The following CDH13 variants were observed in gnomAD, a reference collection of about 807,000 sequenced individuals.
CDH13 encodes the protein cadherin 13.
CDH13 carries 24 observed loss-of-function variants against 63.8 expected under a neutral mutation model. The observed-to-expected ratio is 0.38, with a 90% confidence interval of 0.27 to 0.53. The LOEUF (loss-of-function observed/expected upper bound fraction) is 0.53, where lower values mean the gene tolerates loss of function less well. CDH13 is among the 20% of genes least tolerant of loss of function. CDH13 has a pLI of 0.85. For synonymous variants in CDH13, 503 were observed against 355.3 expected (o/e 1.42, Z -4.67); for missense variants, 1,049 against 903.1 (o/e 1.16, Z -2.07).
At chr16:82,917,098 G>T (rs940937104) in intron 2 of CDH13, among the ~76,000 whole-genome samples, 1 of 152,144 alleles carries the variant, frequency 6.6e-6, no homozygotes, top group African/African-American at 2.4e-5. Flanking sequence ...TATGGGGAGT[G>T]GGTCAGTGAG....
intron 3 of CDH13, among the ~76,000 whole-genome samples, chr16:83,078,116 C>T (rs560648678): frequency 5.3e-5 from 8 of 152,262 alleles, no homozygotes; most frequent in African/African-American, 7.2e-5. Flanking sequence ...AGACTGCTCA[C>T]GCGTGCATGG....
chr16:82,641,087 A>C (rs1412653693), intron 1 of CDH13, among the ~76,000 whole-genome samples: 2 of 152,194 alleles, frequency 1.3e-5, no homozygotes, highest in Admixed American at 1.3e-4. Context: ...AGGTGGTCAC[A>C]GTCATGGGAA....
chr16:82,974,385 C>G (rs917829381), intron 2 of CDH13, among the ~76,000 whole-genome samples: 2 of 152,160 alleles, frequency 1.3e-5, no homozygotes, highest in South Asian at 2.1e-4. Context: ...GTTCCCAACA[C>G]CCTGAATAAC....
At chr16:82,697,212 A>G (rs1283542240) in intron 1 of CDH13, among the ~76,000 whole-genome samples, 2 of 152,118 alleles carry the variant, frequency 1.3e-5, no homozygotes, top group African/African-American at 2.4e-5. Context: ...ATATTTCAAA[A>G]CCACCACACT....
intron 1 of CDH13, among the ~76,000 whole-genome samples, chr16:82,777,500 T>G (rs1485748489): frequency 2.0e-5 from 3 of 152,208 alleles, no homozygotes; most frequent in Admixed American, 6.5e-5. Flanking sequence ...AGCTGAAACA[T>G]CAGGTAGATG....
At chr16:82,631,141 C>G (rs922224623) in intron 1 of CDH13, among the ~76,000 whole-genome samples, 1 of 152,034 alleles carries the variant, frequency 6.6e-6, no homozygotes, top group Non-Finnish European at 1.5e-5. Context: ...CTTTCTTTTC[C>G]CCTATTGTAG....
intron 7 of CDH13, among the ~76,000 whole-genome samples, chr16:83,547,626 A>G (rs2075410050): frequency 6.6e-6 from 1 of 152,224 alleles, no homozygotes. Context: ...TGCAAAGGAC[A>G]TGATCTTTCT....
intron 2 of CDH13, among the ~76,000 whole-genome samples, chr16:82,923,120 T>C (rs2011241): frequency 0.37 from 56,545 of 152,080 alleles, 11,703 homozygotes; most frequent in Non-Finnish European, 0.47. Context: ...GCCAATAGAC[T>C]TGCTCAATGC....
intron 3 of CDH13, among the ~76,000 whole-genome samples, chr16:83,048,886 C>A (rs2029952389): frequency 6.6e-6 from 1 of 152,020 alleles, no homozygotes; most frequent in South Asian, 2.1e-4. Flanking sequence ...CTTCCCCAGT[C>A]TTGTTGAAAG....
intron 2 of CDH13, among the ~76,000 whole-genome samples, chr16:82,867,149 G>T (rs2040178882): frequency 6.6e-6 from 1 of 152,158 alleles, no homozygotes; most frequent in East Asian, 1.9e-4. Flanking sequence ...TACAGGTGAG[G>T]ACATTTAAGG....
intron 4 of CDH13, among the ~76,000 whole-genome samples, chr16:83,141,513 G>C (rs546177262): frequency 1.3e-5 from 2 of 152,042 alleles, no homozygotes. Flanking sequence ...TTGTTTGTTT[G>C]TTTTTACTTT....
intron 7 of CDH13, among the ~76,000 whole-genome samples, chr16:83,522,108 G>A (rs1185607756): frequency 2.0e-5 from 3 of 152,182 alleles, no homozygotes; most frequent in African/African-American, 7.2e-5. Context: ...GCAGAGTGCA[G>A]GTCCAGCTCT....
At position 83,792,578 on chromosome 16, in the gene CDH13, G is replaced by C. The variant is rs190723446; in HGVS notation, c.2135-2445G>C. ...AGGACGCCACTAGTGGCATCTAGTG[G>C]ATGGAGGGTAAGGGTGCTGCTAAGC... On this transcript the variant is annotated intron_variant, in intron 13 of 13. Coordinates refer to ENST00000567109, the MANE Select transcript of CDH13 (RefSeq NM_001257.5). Among the ~76,000 whole-genome samples the C allele has an allele frequency of 2.0e-3, 310 of 152,340 alleles. 2 individuals are homozygous for C. The highest frequency in any genetic ancestry group is 2.9e-4 in the Non-Finnish European group (20 of 68,040).
chr16:83,002,955 G>C (rs1913092274), intron 2 of CDH13, among the ~76,000 whole-genome samples: 1 of 152,140 alleles, frequency 6.6e-6, no homozygotes, highest in Admixed American at 6.5e-5. Context: ...CAAATATATT[G>C]TTTTACGACA....
chr16:82,672,284 AGT>A (rs1696447613), intron 1 of CDH13, among the ~76,000 whole-genome samples: 1 of 152,218 alleles, frequency 6.6e-6, no homozygotes, highest in South Asian at 2.1e-4. Flanking sequence ...ACCATTGAGC[AGT>A]GTGTCTTCCT....
intron 1 of CDH13, among the ~76,000 whole-genome samples, chr16:82,744,956 G>A (rs1041431583): frequency 1.3e-5 from 2 of 152,196 alleles, no homozygotes; most frequent in African/African-American, 4.8e-5. Flanking sequence ...ATAGCCATAT[G>A]TCTCATAGGT....
intron 6 of CDH13, among the ~76,000 whole-genome samples, chr16:83,420,446 T>C (rs1170815802): frequency 1.3e-5 from 2 of 152,148 alleles, no homozygotes; most frequent in Non-Finnish European, 2.9e-5. Flanking sequence ...TTCCCATAGA[T>C]CTCTGGGCAG....
intron 6 of CDH13, among the ~76,000 whole-genome samples, chr16:83,379,930 T>TAG (rs1366582319): frequency 1.1e-5 from 1 of 88,216 alleles, no homozygotes; most frequent in Non-Finnish European, 2.5e-5. Context: ...TATATATATA[T>TAG]ATATATATAG....
intron 1 of CDH13, among the ~76,000 whole-genome samples, chr16:82,745,192 C>T (rs879889811): frequency 2.0e-5 from 3 of 152,140 alleles, no homozygotes; most frequent in East Asian, 1.9e-4. Flanking sequence ...CTCAGGCTGA[C>T]TTGGAGTTGT....
Sources: gnomAD v4.1 joint callset for allele counts (sites outside exome capture counted in the v4.1 genomes callset) on GRCh38, gnomAD v4.1.1 for gene constraint, MANE v1.5 for transcripts, NCBI Gene and HGNC (gene_info 2026-07-23, HGNC 2026-07-21) for gene names.